JPH2: variants seen among roughly 807,000 people sequenced by gnomAD.
JPH2 encodes junctophilin 2.
Under a neutral mutation model 55.9 loss-of-function variants are expected in JPH2, and 38 were observed. The observed-to-expected ratio is 0.68, with a 90% confidence interval of 0.52 to 0.89. JPH2 has a LOEUF of 0.89. Ranked by LOEUF, JPH2 falls within the 40% of genes least tolerant of loss-of-function variation. The probability of loss-of-function intolerance (pLI) is 0.00; values close to 1 mark genes in which losing one functional copy is unlikely to be tolerated. For synonymous variants in JPH2, 480 were observed against 472.4 expected (o/e 1.02, Z -0.21); for missense variants, 964 against 1,037.6 (o/e 0.93, Z 0.97).
intron 1 of JPH2, among the ~76,000 whole-genome samples, chr20:44,178,542 T>G (rs2072754035): frequency 1.3e-5 from 2 of 152,230 alleles, no homozygotes; most frequent in Non-Finnish European, 2.9e-5. Flanking sequence ...TAATACAGTC[T>G]TCATCAAAAT....
chr20:44,139,138 G>T (rs1204685815), intron 2 of JPH2, among the ~76,000 whole-genome samples: 1 of 152,206 alleles, frequency 6.6e-6, no homozygotes, highest in Non-Finnish European at 1.5e-5. Context: ...GTGAATCTGG[G>T]CCGGCTTTTT....
intron 2 of JPH2, among the ~76,000 whole-genome samples, chr20:44,126,758 C>T (rs1234789145): frequency 1.3e-5 from 2 of 152,198 alleles, no homozygotes; most frequent in East Asian, 1.9e-4. Context: ...GAACTGGGTG[C>T]TAGAGACATG....
chr20:44,174,929 G>A (rs78476745), intron 1 of JPH2, among the ~76,000 whole-genome samples: 3,092 of 152,236 alleles, frequency 0.02, 111 homozygotes, highest in African/African-American at 0.07. Context: ...CCGTGCAGGG[G>A]TGGAGGTTGC....
Position 44,110,421 on chromosome 20 carries a change from CTT to C in JPH2, c.*3095_*3096del, listed in dbSNP as rs2072133757. Among the ~76,000 whole-genome samples the C allele has an allele frequency of 1.7e-5, 2 of 118,438 alleles. No individual in the cohort carries two copies. Among genetic ancestry groups the C allele is most frequent in the Non-Finnish European group, 3.4e-5 (2 of 58,960 alleles). 77.7% of individuals were successfully genotyped at this position (118,438 alleles called of 152,430 possible). A position where few individuals can be genotyped will look rare whatever the true frequency, so the allele number is the denominator to read the frequency against. On this transcript the variant is annotated 3_prime_UTR_variant, in exon 6 of 6. Coordinates refer to ENST00000372980, the MANE Select transcript of JPH2 (RefSeq NM_020433.5). The stretch of plus-strand genomic sequence containing the variant: ...CAGCATCATTCCAGAGTTTTGAAAA[CTT>C]TTGTGTTTTTTTTTTTTTCCAGATG...
intron 2 of JPH2, among the ~76,000 whole-genome samples, chr20:44,129,573 A>AAAAAAAAAAAC (rs2072302119): frequency 2.7e-5 from 3 of 112,406 alleles, no homozygotes; most frequent in Admixed American, 9.6e-5. Context: ...AAAAAAACAA[A>AAAAAAAAAAAC]AAAAACAAAA....
chr20:44,145,367 G>C (rs1245444348), intron 2 of JPH2, among the ~76,000 whole-genome samples: 1 of 152,152 alleles, frequency 6.6e-6, no homozygotes, highest in Admixed American at 6.5e-5. Context: ...CACTTTGGGA[G>C]GCCGAGGTGG....
At chr20:44,135,710 G>T (rs372977625) in intron 2 of JPH2, among the ~76,000 whole-genome samples, 14 of 152,294 alleles carry the variant, frequency 9.2e-5, no homozygotes, top group African/African-American at 3.1e-4. Flanking sequence ...CAAACGTTTT[G>T]TTATATGAAT....
rs1440311576 is a variant in JPH2, at chr20:44,108,337, T to C, written c.*5181A>G. ...TGTAATCAATGTGACTTGAGTAGAA[T>C]AGCTTTCAGTGAGTTCTGTGAGTCT... On this transcript the variant is annotated 3_prime_UTR_variant, in exon 6 of 6. Coordinates refer to ENST00000372980, the MANE Select transcript of JPH2 (RefSeq NM_020433.5). 2.6e-5 allele frequency among the ~76,000 whole-genome samples: 4 copies of C among 152,166 alleles called. No individual in the cohort carries two copies. The highest frequency in any genetic ancestry group is 2.1e-4 in the South Asian group (1 of 4,830).
At chr20:44,119,504 G>A (rs538274335) in intron 2 of JPH2, among the ~76,000 whole-genome samples, 5 of 152,324 alleles carry the variant, frequency 3.3e-5, no homozygotes, top group Non-Finnish European at 7.3e-5. Flanking sequence ...GCTGATGTGA[G>A]TGTTGGCTGC....
chr20:44,134,147 T>A (rs1600841099), intron 2 of JPH2, among the ~76,000 whole-genome samples: 1 of 27,456 alleles, frequency 3.6e-5, no homozygotes, highest in African/African-American at 1.3e-4. Flanking sequence ...TAAATAAATA[T>A]TTATTATAAA....
chr20:44,174,112 A>T (rs183226820), intron 1 of JPH2, among the ~76,000 whole-genome samples: 28 of 152,274 alleles, frequency 1.8e-4, no homozygotes, highest in Admixed American at 5.2e-4. Flanking sequence ...CCAATTAGCC[A>T]GTGTTGTGCG....
chr20:44,129,025 C>T (rs2072296346), intron 2 of JPH2, among the ~76,000 whole-genome samples: 3 of 152,168 alleles, frequency 2.0e-5, no homozygotes, highest in South Asian at 2.1e-4. Context: ...GCACTGGGAA[C>T]AGGGCCTGGC....
intron 2 of JPH2, among the ~76,000 whole-genome samples, chr20:44,130,873 T>A (rs2072313120): frequency 6.6e-6 from 1 of 152,206 alleles, no homozygotes; most frequent in Non-Finnish European, 1.5e-5. Flanking sequence ...ACCTATTTTT[T>A]ATCAGGGCTG....
chr20:44,107,270 T>TA lies in JPH2; in HGVS notation c.*6247_*6248insT, dbSNP rs2072114112. 1.3e-5 allele frequency among the ~76,000 whole-genome samples: 2 copies of TA among 152,162 alleles called. No individual in the cohort carries two copies. The highest frequency in any genetic ancestry group is 4.2e-4 in the South Asian group (2 of 4,818). On this transcript the variant is annotated 3_prime_UTR_variant, in exon 6 of 6. Transcript: ENST00000372980. ...ATCCATTTCCTCAATAAGCACTCACTGAATGTCTACTCTGCCCCGAGACCT... is the reference window on the plus strand; with the variant it reads ...ATCCATTTCCTCAATAAGCACTCACTAGAATGTCTACTCTGCCCCGAGACCT...
At chr20:44,120,005 T>C (rs1422503991) in intron 2 of JPH2, among the ~76,000 whole-genome samples, 2 of 152,030 alleles carry the variant, frequency 1.3e-5, no homozygotes, top group African/African-American at 4.8e-5. Context: ...GTACAATCCA[T>C]GCTCCAGAGC....
At position 44,160,033 on chromosome 20, in the gene JPH2, C is replaced by G; in HGVS notation, c.754G>C (p.Asp252His). 6.4e-7 allele frequency: 1 copy of G among 1,560,350 alleles called. No individual in the cohort carries two copies. Among genetic ancestry groups the G allele is most frequent in the Non-Finnish European group, 8.6e-7 (1 of 1,160,020 alleles). The change falls in exon 2 of 6, where the codon GAC (aspartate) becomes CAC (histidine). Residue 252 changes from aspartate to histidine, a missense_variant. Physicochemically the swap from Asp to His is moderately conservative, Grantham distance 81 (BLOSUM62 -1). Coordinates refer to ENST00000372980, the MANE Select transcript of JPH2 (RefSeq NM_020433.5). This position sits in a 1 kb window ranked among gnomAD's most constrained non-coding sequence, Gnocchi z 4.9. Reference protein sequence around the residue: ...QRSRVSFLKSDLSSGASDAAS... With the variant: ...QRSRVSFLKSHLSSGASDAAS... ...GCGTCGCTGGCGCCCGAGCTGAGGT[C>G]GCTCTTAAGGAAGCTGACACGGCTG...
chr20:44,145,964 G>A (rs1014099749), intron 2 of JPH2, among the ~76,000 whole-genome samples: 2 of 151,898 alleles, frequency 1.3e-5, no homozygotes. Flanking sequence ...AGCACGCTGG[G>A]TCTTTTCTCT....
In JPH2 at chr20:44,184,159, AAAAC is replaced by A. The variant is rs199595712; in HGVS notation, c.379+2164_379+2167del. On this transcript the variant is annotated intron_variant, in intron 1 of 5. Transcript: ENST00000372980. ...GCGACAGAGTAAGACCCTGTCTCAA[AAAAC>A]AAACAAACAAAAGAAGTCAGATAGT... Among the ~76,000 whole-genome samples, 371 of 152,294 alleles carry A rather than the reference AAAAC, an allele frequency of 2.4e-3. 13 individuals carry two copies. The East Asian group carries it at 0.047, about 19-fold the overall frequency.
At chr20:44,146,332 C>T (rs949712433) in intron 2 of JPH2, among the ~76,000 whole-genome samples, 3 of 152,012 alleles carry the variant, frequency 2.0e-5, no homozygotes, top group Non-Finnish European at 4.4e-5. Context: ...TGCCCCTGGC[C>T]CACATGGTCA....
Sources: gnomAD v4.1 joint callset for allele counts (sites outside exome capture counted in the v4.1 genomes callset) on GRCh38, gnomAD v4.1.1 for gene constraint, Gnocchi (gnomAD v3.1) non-coding constraint, MANE v1.5 for transcripts, NCBI Gene and HGNC (gene_info 2026-07-23, HGNC 2026-07-21) for gene names.